The following CLCA1 variants were observed in gnomAD, a reference collection of about 807,000 sequenced individuals.
CLCA1 encodes the protein chloride channel accessory 1, also known as calcium-activated chloride channel regulator 1.
In CLCA1, 59 loss-of-function variants were observed where a neutral mutation model predicts 85.6. That is an observed-to-expected ratio of 0.69 (90% CI 0.56 to 0.86). The LOEUF (loss-of-function observed/expected upper bound fraction) is 0.86. CLCA1 is among the 40% of genes least tolerant of loss of function. CLCA1 has a pLI of 0.00. For missense variants in CLCA1, 1,022 were observed against 1,101.4 expected, an observed-to-expected ratio of 0.93 and a Z score of 1.02; for synonymous variants, 396 against 398.3, an observed-to-expected ratio of 0.99 and a Z score of 0.07.
intron 4 of CLCA1, among the ~76,000 whole-genome samples, chr1:86,481,883 C>A (rs1312968280): frequency 1.3e-5 from 2 of 152,112 alleles, no homozygotes; most frequent in African/African-American, 4.8e-5. Context: ...GGGCTCTTGA[C>A]CTGCTAGGGA....
chr1:86,493,302 C>T (rs1282627993), intron 9 of CLCA1, 82 bp from the exon 10 acceptor site: 2 of 1,083,928 alleles, frequency 1.8e-6, no homozygotes, highest in Non-Finnish European at 2.8e-6. Context: ...TAATGGCGCA[C>T]TGGGGAGACA....
Position 86,476,501 on chromosome 1 carries a change from T to C in CLCA1, c.505T>C (p.Tyr169His), listed in dbSNP as rs145578580. 242 of 1,604,806 alleles carry C rather than the reference T, an allele frequency of 1.5e-4. No individual in the cohort carries two copies. In the African/African-American group the frequency reaches 2.8e-3, roughly 19 times the overall value. Residue 169 changes from tyrosine to histidine, a missense_variant, in exon 4 of 14, where the codon TAC (tyrosine) becomes CAC (histidine). Tyr to His is a moderately conservative substitution (Grantham distance 83). Coordinates refer to ENST00000394711, the MANE Select transcript of CLCA1 (RefSeq NM_001285.4). Reference protein sequence around the residue: ...AHLRWGVFDEYNNDEKFYLSN... With the variant: ...AHLRWGVFDEHNNDEKFYLSN... ...TCTACGATGGGGAGTATTTGACGAG[T>C]ACAATAATGATGAGAAATTCTACTT... is the stretch of plus-strand genomic sequence containing the variant.
chr1:86,493,635 A>G (rs776896270), intron 10 of CLCA1, 36 bp downstream of exon 10: 10 of 1,461,922 alleles, frequency 6.8e-6, no homozygotes, highest in Non-Finnish European at 9.6e-6. Context: ...TCATAATTCA[A>G]CAAGATAAAA....
At chr1:86,473,902 C>T (rs1170181824) in intron 3 of CLCA1, 26 bp downstream of exon 3, 2 of 1,550,548 alleles carry the variant, frequency 1.3e-6, no homozygotes, top group Admixed American at 1.8e-5. Flanking sequence ...CCATACTTCT[C>T]ATACAATTTA....
Position 86,486,700 on chromosome 1 carries a change from G to T in CLCA1, c.1129G>T (p.Ala377Ser). The T allele has an allele frequency of 6.2e-7, 1 of 1,614,162 alleles. No homozygotes were observed. The highest frequency in any genetic ancestry group is 8.5e-7 in the Non-Finnish European group (1 of 1,180,034). The change falls in exon 7 of 14, where the codon GCA becomes TCA. Residue 377 changes from alanine (A) to serine (S), a missense_variant. Physicochemically the swap from Ala to Ser is moderately conservative, Grantham distance 99. Transcript: ENST00000394711. The stretch of plus-strand genomic sequence containing the variant: ...GGACACACTCGCCAAAAGATTACCT[G>T]CAGCAGCTTCAGGAGGGACGTCCAT... ...DRDTLAKRLP[A>S]AASGGTSICS... is the part of the protein sequence containing the mutation.
At chr1:86,493,347 G>C (rs1408684094) in intron 9 of CLCA1, 37 bp from the exon 10 acceptor site, 1 of 1,522,202 alleles carries the variant, frequency 6.6e-7, no homozygotes, top group African/African-American at 1.4e-5. Flanking sequence ...GATGGGAGCT[G>C]TATTCTCCAG....
At chr1:86,488,820 A>G (rs1418459078) in intron 7 of CLCA1, among the ~76,000 whole-genome samples, 176 bp from the exon 8 acceptor site, 1 of 152,204 alleles carries the variant, frequency 6.6e-6, no homozygotes, top group African/African-American at 2.4e-5. Flanking sequence ...GTCAAGTTCC[A>G]TGAATGCTGC....
Position 86,476,554 on chromosome 1 carries a change from G to T in CLCA1, c.557+1G>T. The T allele has an allele frequency of 7.0e-7, 1 of 1,431,462 alleles. No homozygotes were observed. Among genetic ancestry groups the T allele is most frequent in the Non-Finnish European group, 9.8e-7 (1 of 1,019,032 alleles). 88.7% of individuals were successfully genotyped at this position (1,431,462 alleles called of 1,614,324 possible). On this transcript the variant is annotated splice_donor_variant, in intron 4 of 13. Coordinates refer to ENST00000394711, the MANE Select transcript of CLCA1 (RefSeq NM_001285.4). LOFTEE classifies it high-confidence loss of function. ...CCAATGGAAGAATACAAGCAGTAAGGTATGTATATTTTGATTTAACTTGTT... is the reference window on the plus strand; with the variant it reads ...CCAATGGAAGAATACAAGCAGTAAGTTATGTATATTTTGATTTAACTTGTT...
intron 6 of CLCA1, among the ~76,000 whole-genome samples, chr1:86,486,048 A>G (rs2031094): frequency 1.0e-5 from 1 of 96,432 alleles, no homozygotes. Flanking sequence ...GAGAGTGCGC[A>G]ATGTGGGAAG....
At chr1:86,470,162 G>A (rs560859671) in intron 1 of CLCA1, among the ~76,000 whole-genome samples, 13 of 152,164 alleles carry the variant, frequency 8.5e-5, no homozygotes, top group African/African-American at 2.9e-4. Context: ...ACTGCTCTAA[G>A]CAGAGGCAAA....
Position 86,495,562 on chromosome 1 carries a change from C to T in CLCA1, c.2000C>T (p.Thr667Met), listed in dbSNP as rs150256560. 1.4e-4 allele frequency: 234 copies of T among 1,613,938 alleles called. 1 individual carries two copies. Among genetic ancestry groups the T allele is most frequent in the Non-Finnish European group, 1.7e-4 (206 of 1,179,864 alleles). Residue 667 changes from threonine (T) to methionine (M), a missense_variant, in exon 12 of 14, where the codon ACG (threonine) becomes ATG (methionine). Thr to Met is a moderately conservative substitution (Grantham distance 81). Transcript: ENST00000394711. The part of the protein sequence containing the change: ...VYSRYFTTYD[T>M]NGRYSVKVRA... ...TCAAGGTATTTCACAACTTATGACACGAATGGTAGATACAGTGTAAAAGTG... is the reference window on the plus strand; with the variant it reads ...TCAAGGTATTTCACAACTTATGACATGAATGGTAGATACAGTGTAAAAGTG...
chr1:86,469,087 T>C lies in CLCA1; in HGVS notation c.116T>C (p.Ile39Thr). The C allele has an allele frequency of 6.2e-7, 1 of 1,612,552 alleles. No individual in the cohort carries two copies. The highest frequency in any genetic ancestry group is 8.5e-7 in the Non-Finnish European group (1 of 1,179,086). ...NNGYEGIVVAIDPNVPEDETL... is the reference protein window; with the variant it reads ...NNGYEGIVVATDPNVPEDETL... ...GGCTATGAAGGCATTGTCGTTGCAATCGACCCCAATGTGCCAGAAGATGAA... is the reference window on the plus strand; with the variant it reads ...GGCTATGAAGGCATTGTCGTTGCAACCGACCCCAATGTGCCAGAAGATGAA... The change falls in exon 1 of 14, where the codon ATC becomes ACC. Residue 39 changes from isoleucine to threonine, a missense_variant. Physicochemically the swap from Ile to Thr is moderately conservative, Grantham distance 89. Coordinates refer to ENST00000394711, the MANE Select transcript of CLCA1 (RefSeq NM_001285.4).
At chr1:86,495,134 G>A (rs1206379054) in intron 11 of CLCA1, among the ~76,000 whole-genome samples, 1 of 151,878 alleles carries the variant, frequency 6.6e-6, no homozygotes, top group East Asian at 1.9e-4. Flanking sequence ...CTACCCTGGG[G>A]AGAAGTGATG....
chr1:86,498,849 A>G (rs1366821678), intron 13 of CLCA1, 38 bp downstream of exon 13: 2 of 1,583,820 alleles, frequency 1.3e-6, no homozygotes, highest in African/African-American at 2.7e-5. Flanking sequence ...AAAAGAGTTT[A>G]CCAGCCAAGT....
chr1:86,485,555 C>A lies in CLCA1; in HGVS notation c.948C>A (p.Ser316Arg). 1 of 1,613,922 alleles carries A rather than the reference C, an allele frequency of 6.2e-7. No homozygotes were observed. Among genetic ancestry groups the A allele is most frequent in the Non-Finnish European group, 8.5e-7 (1 of 1,179,790 alleles). The stretch of plus-strand genomic sequence containing the variant: ...GTTTAGTCCTTGACAAATCTGGAAG[C>A]ATGGCGGTATGTTCAATGAGTCTTG... ...IVCLVLDKSG[S>R]MATGNRLNRL... is the part of the protein sequence containing the mutation. The change falls in exon 6 of 14, where the codon AGC becomes AGA. Residue 316 changes from serine (S) to arginine (R), a missense_variant. Physicochemically the swap from Ser to Arg is moderately radical, Grantham distance 110. Coordinates refer to ENST00000394711, the MANE Select transcript of CLCA1 (RefSeq NM_001285.4).
chr1:86,487,757 C>T (rs1648020976), intron 7 of CLCA1, among the ~76,000 whole-genome samples: 1 of 152,176 alleles, frequency 6.6e-6, no homozygotes, highest in Non-Finnish European at 1.5e-5. Context: ...CAGCCTCTAG[C>T]CATACTGTAT....
At chr1:86,475,325 C>T (rs1343913573) in intron 3 of CLCA1, among the ~76,000 whole-genome samples, 2 of 152,152 alleles carry the variant, frequency 1.3e-5, no homozygotes, top group East Asian at 1.9e-4. Context: ...AATGCCCCAC[C>T]TCACATAACC....
At chr1:86,483,321 A>G (rs1470971649) in intron 5 of CLCA1, among the ~76,000 whole-genome samples, 7 of 152,192 alleles carry the variant, frequency 4.6e-5, no homozygotes, top group Non-Finnish European at 1.5e-5. Context: ...TCTGCTTCCT[A>G]AAAAGTATCC....
At chr1:86,493,314 G>A in intron 9 of CLCA1, 70 bp from the exon 10 acceptor site, 2 of 1,236,326 alleles carry the variant, frequency 1.6e-6, no homozygotes, top group African/African-American at 3.0e-5. Flanking sequence ...GGGGAGACAG[G>A]GGCAGAAGGG....
Sources: allele counts gnomAD v4.1 joint callset (sites outside exome capture counted in the v4.1 genomes callset), GRCh38; gene constraint gnomAD v4.1.1; transcripts MANE v1.5; gene names NCBI Gene and HGNC (gene_info 2026-07-23, HGNC 2026-07-21).